Variants in DBI observed in about 807,000 individuals in gnomAD.
The protein encoded by DBI is acyl-CoA-binding protein.
A neutral mutation model predicts 13.0 loss-of-function variants in DBI; 12 were observed. The ratio of observed to expected loss-of-function variants is 0.92; its 90% CI spans 0.59 to 1.49. The LOEUF (loss-of-function observed/expected upper bound fraction) is 1.49. Ranked by LOEUF, DBI falls within the 40% of genes most tolerant of loss-of-function variation. The pLI is 0.00. For synonymous variants in DBI, 37 were observed against 37.4 expected, an observed-to-expected ratio of 0.99 and a Z score of 0.04; for missense variants, 95 against 104.8, an observed-to-expected ratio of 0.91 and a Z score of 0.41.
intron 1 of DBI, 41 bp downstream of exon 1, chr2:119,367,101 C>A: frequency 1.9e-6 from 3 of 1,612,230 alleles, no homozygotes; most frequent in Non-Finnish European, 2.5e-6. Flanking sequence ...GTGCAGCGGG[C>A]GGGAGGCCCG....
chr2:119,369,858 CA>C (rs1681386665), intron 2 of DBI, among the ~76,000 whole-genome samples: 2 of 152,302 alleles, frequency 1.3e-5, no homozygotes, highest in South Asian at 4.1e-4. Context: ...AACCACATTT[CA>C]GATGCCCAGT....
chr2:119,367,025 C>G lies in DBI; in HGVS notation c.-27C>G, dbSNP rs758198856. ...CTGGTCCTCGCCTCCTCCGCTGTCT[C>G]CCTGGAGTTCTTGCAAGTCGGCCAG... On this transcript the variant is annotated 5_prime_UTR_variant, in exon 1 of 4. Coordinates refer to ENST00000355857, the MANE Select transcript of DBI (RefSeq NM_001079862.4). 9.3e-6 allele frequency: 15 copies of G among 1,613,906 alleles called. No homozygotes were observed. In the African/African-American group the frequency reaches 1.7e-4, roughly 19 times the overall value.
Position 119,370,770 on chromosome 2 carries a change from A to G in DBI, c.158A>G (p.Lys53Arg), listed in dbSNP as rs1335721779. 1.2e-6 allele frequency: 2 copies of G among 1,614,120 alleles called. No homozygotes were observed. The highest frequency in any genetic ancestry group is 2.2e-5 in the South Asian group (2 of 91,066). ...ERPGMLDFTGKAKWDAWNELK... is the reference protein window; with the variant it reads ...ERPGMLDFTGRAKWDAWNELK... The stretch of plus-strand genomic sequence containing the variant: ...CCCGGGATGTTGGACTTCACGGGCA[A>G]GGCCAAGTGGGATGCCTGGAATGAG... The change falls in exon 3 of 4, where the codon AAG becomes AGG. Residue 53 changes from lysine to arginine, a missense_variant. Lys to Arg is a conservative substitution (Grantham distance 26). Transcript: ENST00000355857.
chr2:119,370,744 G>T lies in DBI; in HGVS notation c.132G>T (p.Arg44=). Reference sequence around the variant, plus strand: ...CCTTTTCTTCCCTTGTTTAAGAACGGCCCGGGATGTTGGACTTCACGGGCA... The same window carrying T: ...CCTTTTCTTCCCTTGTTTAAGAACGTCCCGGGATGTTGGACTTCACGGGCA... ...QATVGDINTE[R]PGMLDFTGKA... The change falls in exon 3 of 4, where the codon CGG becomes CGT. Residue 44 remains arginine (R), a synonymous_variant. Transcript: ENST00000355857. The T allele has an allele frequency of 1.2e-6, 2 of 1,613,940 alleles. No individual in the cohort carries two copies. The highest frequency in any genetic ancestry group is 1.7e-6 in the Non-Finnish European group (2 of 1,179,884).
At chr2:119,368,773 A>G (rs10181496) in intron 2 of DBI, 5,618 of 161,452 alleles carry the variant, frequency 0.035, 352 homozygotes, top group African/African-American at 0.12. Flanking sequence ...TGCCTTCCTG[A>G]TGATAACTTT....
In DBI at chr2:119,371,135, C is replaced by T. The variant is rs1014501180; in HGVS notation, c.190+333C>T. 2.0e-5 allele frequency among the ~76,000 whole-genome samples: 3 copies of T among 152,166 alleles called. No homozygotes were observed. In the East Asian group the frequency reaches 5.8e-4, roughly 29 times the overall value. On this transcript the variant is annotated intron_variant, in intron 3 of 3. Transcript: ENST00000355857. ...GGGGTGGTTTCCTGTCTGCAACTCCCTCTCCCCTACAAGGCCAGGCGGTGA... is the reference window on the plus strand; with the variant it reads ...GGGGTGGTTTCCTGTCTGCAACTCCTTCTCCCCTACAAGGCCAGGCGGTGA...
chr2:119,367,454 G>A (rs1387264417), intron 1 of DBI: 6 of 1,572,840 alleles, frequency 3.8e-6, no homozygotes, highest in Non-Finnish European at 2.6e-6. Flanking sequence ...CCGTGGCCGA[G>A]AGCTTGGAGG....
rs1487918534 is a variant in DBI, at chr2:119,368,340, A to T, written c.127+35A>T. On this transcript the variant is annotated intron_variant, in intron 2 of 3. Transcript: ENST00000355857. ...GCGGGGGTTGGAAGGGCATCTGCTCATCAAAGCAGGCTCAGCAGCTCAGAC... is the reference window on the plus strand; with the variant it reads ...GCGGGGGTTGGAAGGGCATCTGCTCTTCAAAGCAGGCTCAGCAGCTCAGAC... The T allele has an allele frequency of 3.3e-6, 5 of 1,511,360 alleles. No individual in the cohort carries two copies. In the African/African-American group the frequency reaches 6.9e-5, roughly 21 times the overall value. The allele number at this position is 1,511,360 out of a possible 1,614,324, so 93.6% of individuals were successfully genotyped here. A position where few individuals can be genotyped will look rare whatever the true frequency, so the allele number is the denominator to read the frequency against.
chr2:119,370,591 C>A, intron 2 of DBI, 149 bp from the exon 3 acceptor site: 1 of 588,112 alleles, frequency 1.7e-6, no homozygotes, highest in Non-Finnish European at 2.9e-6. Flanking sequence ...TTTCTTAGGG[C>A]AGAACCCACT....
intron 1 of DBI, chr2:119,367,552 T>A: frequency 6.2e-7 from 1 of 1,612,830 alleles, no homozygotes; most frequent in Non-Finnish European, 8.5e-7. Flanking sequence ...CCCTCCCTTC[T>A]CTCCAGTGTA....
At chr2:119,371,148 G>A (rs577866936) in intron 3 of DBI, among the ~76,000 whole-genome samples, 13 of 152,290 alleles carry the variant, frequency 8.5e-5, no homozygotes, top group African/African-American at 3.1e-4. Context: ...TCCCCTACAA[G>A]GCCAGGCGGT....
chr2:119,367,603 C>T, intron 1 of DBI: 1 of 1,614,118 alleles, frequency 6.2e-7, no homozygotes, highest in East Asian at 2.2e-5. Flanking sequence ...CGACCTCTGG[C>T]TCCTCCCGCC....
At chr2:119,371,138 T>TC (rs1450484198) in intron 3 of DBI, among the ~76,000 whole-genome samples, 2 of 152,068 alleles carry the variant, frequency 1.3e-5, no homozygotes, top group African/African-American at 4.8e-5. Flanking sequence ...CAACTCCCTC[T>TC]CCCCTACAAG....
rs771173404 is a variant in DBI at position 119,372,358 on chromosome 2, A to C, written c.*40A>C. 6.8e-6 allele frequency: 10 copies of C among 1,478,738 alleles called. No homozygotes were observed. The highest frequency in any genetic ancestry group is 9.5e-6 in the Non-Finnish European group (10 of 1,057,308). The allele number at this position is 1,478,738 out of a possible 1,614,324, so 91.6% of individuals were successfully genotyped here. A position where few individuals can be genotyped will look rare whatever the true frequency, so the allele number is the denominator to read the frequency against. On this transcript the variant is annotated 3_prime_UTR_variant, in exon 4 of 4. Coordinates refer to ENST00000355857, the MANE Select transcript of DBI (RefSeq NM_001079862.4). ...TTACTGTGCCATGTGTTTATCCTAA[A>C]CTGAGACAATGCCTTGTTTTTTTCT... is the stretch of plus-strand genomic sequence containing the variant.
At chr2:119,369,328 CAT>C (rs1028030342) in intron 2 of DBI, among the ~76,000 whole-genome samples, 1 of 152,210 alleles carries the variant, frequency 6.6e-6, no homozygotes, top group African/African-American at 2.4e-5. Flanking sequence ...CCGATTTTCA[CAT>C]GAGTCTAGAT....
intron 1 of DBI, chr2:119,367,536 A>T (rs748879050): frequency 1.2e-6 from 2 of 1,607,618 alleles, no homozygotes; most frequent in Non-Finnish European, 1.7e-6. Context: ...GAGGTGACCC[A>T]GGGGCCCCTC....
Position 119,370,581 on chromosome 2 carries a change from T to G in DBI, c.128-159T>G, listed in dbSNP as rs1681439913. The G allele has an allele frequency of 3.4e-5, 17 of 500,126 alleles. No individual in the cohort carries two copies. In the East Asian group the frequency reaches 5.6e-4, roughly 17 times the overall value. 31.0% of individuals were successfully genotyped at this position (500,126 alleles called of 1,614,324 possible). A position where few individuals can be genotyped will look rare whatever the true frequency, so the allele number is the denominator to read the frequency against. On this transcript the variant is annotated intron_variant, in intron 2 of 3. Coordinates refer to ENST00000355857, the MANE Select transcript of DBI (RefSeq NM_001079862.4). Reference sequence around the variant, plus strand: ...TAAGTTTGGATTGGCATACATTGGTTTTCTTAGGGCAGAACCCACTCTACT... The same window carrying G: ...TAAGTTTGGATTGGCATACATTGGTGTTCTTAGGGCAGAACCCACTCTACT...
chr2:119,372,247 A>T lies in DBI; in HGVS notation c.193A>T (p.Thr65Ser). ...KWDAWNELKG[T>S]SKEDAMKAYI... ...ATAATCCTGTCGATTCCTTACAGGG[A>T]CTTCCAAGGAAGATGCCATGAAAGC... The change falls in exon 4 of 4, where the codon ACT (threonine) becomes TCT (serine). Residue 65 changes from threonine to serine, a missense_variant and splice_region_variant. Transcript: ENST00000355857. 6.2e-7 allele frequency: 1 copy of T among 1,612,732 alleles called. No homozygotes were observed. The highest frequency in any genetic ancestry group is 8.5e-7 in the Non-Finnish European group (1 of 1,178,834).
Position 119,367,411 on chromosome 2 carries a change from A to G in DBI, c.9+351A>G, listed in dbSNP as rs115375610. ...CAGTCCCCATCCCGAAGCACAGGGC[A>G]GGACGTCGCGGCGGAGTGGGGAAGC... is the stretch of plus-strand genomic sequence containing the variant. On this transcript the variant is annotated intron_variant, in intron 1 of 3. Coordinates refer to ENST00000355857, the MANE Select transcript of DBI (RefSeq NM_001079862.4). 6.2e-4 allele frequency: 936 copies of G among 1,506,252 alleles called. 4 individuals carry two copies. In the African/African-American group the frequency reaches 0.012, roughly 19 times the overall value. The allele number at this position is 1,506,252 out of a possible 1,614,324, so 93.3% of individuals were successfully genotyped here. A position where few individuals can be genotyped will look rare whatever the true frequency, so the allele number is the denominator to read the frequency against.
Sources: gnomAD v4.1 joint callset for allele counts (sites outside exome capture counted in the v4.1 genomes callset) on GRCh38, gnomAD v4.1.1 for gene constraint, MANE v1.5 for transcripts, NCBI Gene and HGNC (gene_info 2026-07-23, HGNC 2026-07-21) for gene names.